TMEM82: variants seen among roughly 807,000 people sequenced by gnomAD.
TMEM82 encodes transmembrane protein 82.
A neutral mutation model predicts 29.2 loss-of-function variants in TMEM82; 30 were observed. The ratio of observed to expected loss-of-function variants is 1.03; its 90% CI spans 0.77 to 1.39. The LOEUF is 1.39. Among genes scored for constraint, TMEM82 ranks in the 40% most tolerant of loss-of-function variants. TMEM82 has a pLI of 0.00. For synonymous variants in TMEM82, 221 were observed against 225.4 expected (o/e 0.98, Z 0.18); for missense variants, 442 against 447.7 (o/e 0.99, Z 0.12).
chr1:15,745,561 A>G (rs535018638), intron 4 of TMEM82, among the ~76,000 whole-genome samples: 419 of 147,944 alleles, frequency 2.8e-3, no homozygotes, highest in African/African-American at 0.01. Flanking sequence ...GAAAGAGAGA[A>G]AGAGAGAGAG....
chr1:15,745,477 C>T (rs189570604), intron 4 of TMEM82, among the ~76,000 whole-genome samples: 90 of 151,128 alleles, frequency 6.0e-4, no homozygotes, highest in African/African-American at 2.1e-3. Flanking sequence ...CAGGATCGAA[C>T]CACTGCACTC....
chr1:15,742,930 C>G (rs1557671700), intron 2 of TMEM82, 23 bp downstream of exon 2: 1 of 1,611,872 alleles, frequency 6.2e-7, no homozygotes, highest in Non-Finnish European at 8.5e-7. Flanking sequence ...CTCATCCCCC[C>G]AGGGAATGTG....
chr1:15,743,438 C>T (rs530528396), intron 3 of TMEM82, among the ~76,000 whole-genome samples: 2 of 152,268 alleles, frequency 1.3e-5, no homozygotes, highest in African/African-American at 2.4e-5. Flanking sequence ...ATCCGGCCCC[C>T]CAAATGCCAG....
intron 1 of TMEM82, 81 bp from the exon 2 acceptor site, chr1:15,742,754 G>A (rs955503902): frequency 2.0e-5 from 31 of 1,516,728 alleles, no homozygotes; most frequent in Middle Eastern, 1.8e-4. Context: ...CCCCTTGGCC[G>A]CCCCCTCTGA....
At chr1:15,742,783 C>T in intron 1 of TMEM82, 52 bp from the exon 2 acceptor site, 2 of 1,575,786 alleles carry the variant, frequency 1.3e-6, no homozygotes, top group Non-Finnish European at 8.7e-7. Flanking sequence ...ATGAAGCCTG[C>T]CCTCCTAACA....
chr1:15,746,892 G>A lies in TMEM82; in HGVS notation c.783G>A (p.Leu261=). 6.3e-7 allele frequency: 1 copy of A among 1,598,258 alleles called. No homozygotes were observed. Among genetic ancestry groups the A allele is most frequent in the Middle Eastern group, 1.7e-4 (1 of 5,722 alleles). The change falls in exon 5 of 6, where the codon CTG becomes CTA. Residue 261 remains leucine, a synonymous_variant. Transcript: ENST00000375782. ...AGGAGCAGCGGCAGCACCCCGGCCT[G>A]CAGAGCCAGGTGCAGACGGTGCTGG... ...MQEEQRQHPG[L]QSQVQTVLVR...
chr1:15,746,511 G>A lies in TMEM82; in HGVS notation c.758-356G>A, dbSNP rs146676269. 2.2e-3 allele frequency among the ~76,000 whole-genome samples: 328 copies of A among 152,158 alleles called. 2 individuals are homozygous for A. Among genetic ancestry groups the A allele is most frequent in the African/African-American group, 7.1e-3 (294 of 41,532 alleles). ...GCCCAGGTGGGTCCATGGGAGTGGCGAGAGGTGTTCAGCTGGGAATGTGCT... is the reference window on the plus strand; with the variant it reads ...GCCCAGGTGGGTCCATGGGAGTGGCAAGAGGTGTTCAGCTGGGAATGTGCT... On this transcript the variant is annotated intron_variant, in intron 4 of 5. Coordinates refer to ENST00000375782, the MANE Select transcript of TMEM82 (RefSeq NM_001013641.3).
At position 15,744,375 on chromosome 1, in the gene TMEM82, G is replaced by C. The variant is rs1376249491; in HGVS notation, c.552G>C (p.Gln184His). 6.4e-7 allele frequency: 1 copy of C among 1,560,668 alleles called. No individual in the cohort carries two copies. Among genetic ancestry groups the C allele is most frequent in the South Asian group, 1.2e-5 (1 of 85,754 alleles). Residue 184 changes from glutamine (Q) to histidine (H), a missense_variant, in exon 4 of 6, where the codon CAG becomes CAC. By Grantham distance (24) the Gln-to-His change is conservative. Transcript: ENST00000375782. The surrounding 1 kb of genome is among the most constrained non-coding windows in gnomAD (Gnocchi z 5.2). ...GCCTCTACGAGCTGCACAGCAGCCA[G>C]CGCTACTGTGGGGTGTGCCTGGGCC... The part of the protein sequence containing the change: ...VCRLYELHSS[Q>H]RYCGVCLGLL...
In TMEM82 at chr1:15,744,123, C is replaced by T. The variant is rs757663958; in HGVS notation, c.337-37C>T. The T allele has an allele frequency of 4.1e-6, 6 of 1,459,488 alleles. No individual in the cohort carries two copies. The South Asian group carries it at 4.2e-5, about 10-fold the overall frequency. 90.4% of individuals were successfully genotyped at this position (1,459,488 alleles called of 1,614,324 possible). A position where few individuals can be genotyped will look rare whatever the true frequency, so the allele number is the denominator to read the frequency against. ...GTGGGCAGCACCTGTGGTGAGGCAG[C>T]CCCCACATCTCGGCCCCTCTTCGGC... On this transcript the variant is annotated intron_variant, in intron 3 of 5. Coordinates refer to ENST00000375782, the MANE Select transcript of TMEM82 (RefSeq NM_001013641.3). This position sits in a 1 kb window ranked among gnomAD's most constrained non-coding sequence, Gnocchi z 5.2.
Position 15,747,685 on chromosome 1 carries a change from G to A in TMEM82, c.*53G>A, listed in dbSNP as rs942681952. 5.9e-6 allele frequency: 9 copies of A among 1,527,782 alleles called. No individual in the cohort carries two copies. Among genetic ancestry groups the A allele is most frequent in the Middle Eastern group, 1.7e-4 (1 of 5,866 alleles). 94.6% of individuals were successfully genotyped at this position (1,527,782 alleles called of 1,614,324 possible). A position where few individuals can be genotyped will look rare whatever the true frequency, so the allele number is the denominator to read the frequency against. On this transcript the variant is annotated 3_prime_UTR_variant, in exon 6 of 6. Coordinates refer to ENST00000375782, the MANE Select transcript of TMEM82 (RefSeq NM_001013641.3). ...TCTCAAGCCCACTAGCCTGATCTCC[G>A]AGGCCTTGACCCCAGGGCGATGCCT...
In TMEM82 at chr1:15,747,834, T is replaced by A; in HGVS notation, c.*202T>A. On this transcript the variant is annotated 3_prime_UTR_variant, in exon 6 of 6. Coordinates refer to ENST00000375782, the MANE Select transcript of TMEM82 (RefSeq NM_001013641.3). ...AGAGGGGACACCTGGGGACCCCTGGTTGAACCCTCTTTTTCTTGGGGTGGG... is the reference window on the plus strand; with the variant it reads ...AGAGGGGACACCTGGGGACCCCTGGATGAACCCTCTTTTTCTTGGGGTGGG... 2.1e-6 allele frequency: 1 copy of A among 481,958 alleles called. No individual in the cohort carries two copies. The highest frequency in any genetic ancestry group is 3.6e-6 in the Non-Finnish European group (1 of 274,504). The allele number at this position is 481,958 out of a possible 1,614,324, so 29.9% of individuals were successfully genotyped here. A position where few individuals can be genotyped will look rare whatever the true frequency, so the allele number is the denominator to read the frequency against.
chr1:15,747,662 T>A lies in TMEM82; in HGVS notation c.*30T>A, dbSNP rs1213579886. ...CCTCAGGGAGGATCTGGAGTCTGTC[T>A]CAAGCCCACTAGCCTGATCTCCGAG... On this transcript the variant is annotated 3_prime_UTR_variant, in exon 6 of 6. Transcript: ENST00000375782. The A allele has an allele frequency of 2.5e-6, 4 of 1,592,552 alleles. No homozygotes were observed. In the Admixed American group the frequency reaches 6.7e-5, roughly 27 times the overall value.
In TMEM82 at chr1:15,744,145, C is replaced by T. The variant is rs376785106; in HGVS notation, c.337-15C>T. 1.7e-4 allele frequency: 251 copies of T among 1,504,688 alleles called. No individual in the cohort carries two copies. In the African/African-American group the frequency reaches 2.8e-3, roughly 17 times the overall value. 93.2% of individuals were successfully genotyped at this position (1,504,688 alleles called of 1,614,324 possible). On this transcript the variant is annotated splice_polypyrimidine_tract_variant and intron_variant, in intron 3 of 5. Transcript: ENST00000375782. The surrounding 1 kb of genome is among the most constrained non-coding windows in gnomAD (Gnocchi z 5.2). ...CAGCCCCCACATCTCGGCCCCTCTT[C>T]GGCACTCCCCGCAGGGCTCCCAGGG...
In TMEM82 at chr1:15,744,759, G is replaced by A. The variant is rs1488715381; in HGVS notation, c.757+179G>A. ...AGCATGTAGTGGGCACCCTGAGGTT[G>A]TAGTCTTTAGATTGGGCTTTGAAGG... On this transcript the variant is annotated intron_variant, in intron 4 of 5. Coordinates refer to ENST00000375782, the MANE Select transcript of TMEM82 (RefSeq NM_001013641.3). The surrounding 1 kb of genome is among the most constrained non-coding windows in gnomAD (Gnocchi z 5.2). Among the ~76,000 whole-genome samples, 2 of 152,224 alleles carry A rather than the reference G, an allele frequency of 1.3e-5. No homozygotes were observed. The highest frequency in any genetic ancestry group is 1.3e-4 in the Admixed American group (2 of 15,284).
In TMEM82 at chr1:15,743,143, G is replaced by C. The variant is rs542386715; in HGVS notation, c.285G>C (p.Val95=). 6.2e-7 allele frequency: 1 copy of C among 1,611,600 alleles called. No homozygotes were observed. Among genetic ancestry groups the C allele is most frequent in the African/African-American group, 1.3e-5 (1 of 75,048 alleles). The change falls in exon 3 of 6, where the codon GTG becomes GTC. Residue 95 remains valine (V), a synonymous_variant. Coordinates refer to ENST00000375782, the MANE Select transcript of TMEM82 (RefSeq NM_001013641.3). ...TVVGSRVAAL[V]VLEFSLRAVS... ...TGGGGTCCCGGGTGGCTGCCCTCGTGGTGCTCGAGTTCTCCCTCCGGGCCG... is the reference window on the plus strand; with the variant it reads ...TGGGGTCCCGGGTGGCTGCCCTCGTCGTGCTCGAGTTCTCCCTCCGGGCCG...
At chr1:15,742,948 G>T (rs1227970297) in intron 2 of TMEM82, 41 bp downstream of exon 2, 1 of 1,609,094 alleles carries the variant, frequency 6.2e-7, no homozygotes, top group Non-Finnish European at 8.5e-7. Context: ...GTGGCTGGGG[G>T]CACGGGGACC....
chr1:15,744,342 C>T lies in TMEM82; in HGVS notation c.519C>T (p.His173=), dbSNP rs555940716. The T allele has an allele frequency of 1.9e-4, 289 of 1,544,908 alleles. 2 individuals carry two copies. Among genetic ancestry groups the T allele is most frequent in the Non-Finnish European group, 2.3e-4 (265 of 1,148,574 alleles). Residue 173 remains histidine (H), a synonymous_variant, in exon 4 of 6, where the codon CAC becomes CAT. Coordinates refer to ENST00000375782, the MANE Select transcript of TMEM82 (RefSeq NM_001013641.3). This position sits in a 1 kb window ranked among gnomAD's most constrained non-coding sequence, Gnocchi z 5.2. ...LGLGARRLHR[H]VCRLYELHSS... ...TGGGTGCCCGGCGCCTCCACCGCCA[C>T]GTCTGCCGCCTCTACGAGCTGCACA...
intron 3 of TMEM82, among the ~76,000 whole-genome samples, chr1:15,743,689 C>G (rs531734711): frequency 5.5e-4 from 83 of 152,240 alleles, no homozygotes; most frequent in African/African-American, 1.9e-3. Context: ...CGTGGTGGCT[C>G]ACGCCTGTAA....
chr1:15,742,959 C>T, intron 2 of TMEM82, 52 bp downstream of exon 2: 1 of 1,606,624 alleles, frequency 6.2e-7, no homozygotes, highest in South Asian at 1.1e-5. Context: ...CACGGGGACC[C>T]CCACCAGGGG....
Sources: gnomAD v4.1 joint callset for allele counts (sites outside exome capture counted in the v4.1 genomes callset) on GRCh38, gnomAD v4.1.1 for gene constraint, Gnocchi (gnomAD v3.1) non-coding constraint, MANE v1.5 for transcripts, NCBI Gene and HGNC (gene_info 2026-07-23, HGNC 2026-07-21) for gene names.